The following PFKL variants were observed in gnomAD, a reference collection of about 807,000 sequenced individuals.
The protein encoded by PFKL is phosphofructokinase, liver type.
A neutral mutation model predicts 92.1 loss-of-function variants in PFKL; 74 were observed. That is an observed-to-expected ratio of 0.80 (90% CI 0.67 to 0.97). The LOEUF (loss-of-function observed/expected upper bound fraction) is 0.97, where lower values mean the gene tolerates loss of function less well. Ranked by LOEUF, PFKL falls within the 50% of genes least tolerant of loss-of-function variation. The probability of loss-of-function intolerance (pLI) is 0.00; values close to 1 mark genes in which losing one functional copy is unlikely to be tolerated. For missense variants in PFKL, 1,028 were observed against 1,116.6 expected, an observed-to-expected ratio of 0.92 and a Z score of 1.13; for synonymous variants, 494 against 456.4, an observed-to-expected ratio of 1.08 and a Z score of -1.05.
At chr21:44,305,944 C>T (rs765672125) in intron 1 of PFKL, 4 of 1,350,372 alleles carry the variant, frequency 3.0e-6, no homozygotes, top group Non-Finnish European at 3.0e-6. Flanking sequence ...GGGTGAGGGT[C>T]CCTGAGGCCC....
intron 19 of PFKL, 71 bp downstream of exon 19, chr21:44,325,335 G>A (rs1434075996): frequency 2.7e-6 from 3 of 1,124,272 alleles, no homozygotes; most frequent in South Asian, 1.3e-5. Flanking sequence ...CGGCCCCAGG[G>A]GTCCCAGCCC....
intron 1 of PFKL, among the ~76,000 whole-genome samples, chr21:44,306,379 C>G (rs1233493639): frequency 2.0e-5 from 3 of 152,154 alleles, no homozygotes; most frequent in Non-Finnish European, 4.4e-5. Context: ...TGGGTTCACC[C>G]GAGCCTCCAC....
At chr21:44,302,959 G>A (rs529556522) in intron 1 of PFKL, among the ~76,000 whole-genome samples, 5 of 152,308 alleles carry the variant, frequency 3.3e-5, no homozygotes, top group Non-Finnish European at 7.4e-5. Flanking sequence ...CAGGCCGGGC[G>A]CGGTGGCTCA....
At position 44,300,209 on chromosome 21, in the gene PFKL, C is replaced by T. The variant is rs2040727267; in HGVS notation, c.85+19C>T. The T allele has an allele frequency of 5.6e-6, 6 of 1,064,282 alleles. No homozygotes were observed. Among genetic ancestry groups the T allele is most frequent in the Middle Eastern group, 8.6e-4 (2 of 2,334 alleles). The allele number at this position is 1,064,282 out of a possible 1,614,324, so 65.9% of individuals were successfully genotyped here. On this transcript the variant is annotated intron_variant, in intron 1 of 21. Transcript: ENST00000349048. ...GCGCAAGGTGGGCGGGGGTCCCGGC[C>T]GCGTCGCGGCGCAGGGGGTGGAGGG... is the stretch of plus-strand genomic sequence containing the variant.
chr21:44,306,376 A>G (rs1345028128), intron 1 of PFKL, among the ~76,000 whole-genome samples: 1 of 152,128 alleles, frequency 6.6e-6, no homozygotes, highest in Non-Finnish European at 1.5e-5. Flanking sequence ...TGCTGGGTTC[A>G]CCCGAGCCTC....
chr21:44,309,668 T>A (rs575173640), intron 2 of PFKL, among the ~76,000 whole-genome samples: 3 of 152,056 alleles, frequency 2.0e-5, no homozygotes, highest in Non-Finnish European at 4.4e-5. Context: ...GACAGACCTG[T>A]GTTTGGTGGC....
At chr21:44,313,538 T>C in intron 5 of PFKL, 100 bp from the exon 6 acceptor site, 1 of 1,140,956 alleles carries the variant, frequency 8.8e-7, no homozygotes. Flanking sequence ...GTCCCCTGCC[T>C]GCCTCTCCAT....
chr21:44,326,676 CCT>C (rs1168247595), intron 21 of PFKL, 37 bp from the exon 22 acceptor site: 20 of 1,601,596 alleles, frequency 1.2e-5, no homozygotes, highest in African/African-American at 6.7e-5. Flanking sequence ...TGCCCTGACC[CCT>C]GACTCCCCAT....
At chr21:44,304,640 C>T (rs2040876748) in intron 1 of PFKL, among the ~76,000 whole-genome samples, 1 of 150,472 alleles carries the variant, frequency 6.6e-6, no homozygotes, top group Non-Finnish European at 1.5e-5. Context: ...CAGGACTTGG[C>T]TCTGCTGACT....
At position 44,316,447 on chromosome 21, in the gene PFKL, C is replaced by T. The variant is rs1261802979; in HGVS notation, c.859C>T (p.Leu287=). Residue 287 remains leucine (L), a synonymous_variant, in exon 9 of 22, where the codon CTG becomes TTG. Coordinates refer to ENST00000349048, the MANE Select transcript of PFKL (RefSeq NM_002626.6). The stretch of plus-strand genomic sequence containing the variant: ...TGTCCTGCAGCTGGTGGTTCAGAGG[C>T]TGGGCTTCGACACCCGTGTAACTGT... ...SYVKDLVVQR[L]GFDTRVTVLG... is the part of the protein sequence containing the mutation. 6.2e-7 allele frequency: 1 copy of T among 1,611,868 alleles called. No homozygotes were observed. The highest frequency in any genetic ancestry group is 1.1e-5 in the South Asian group (1 of 91,028).
chr21:44,311,191 CACACACATGCAG>C, intron 3 of PFKL, 108 bp downstream of exon 3: 6 of 772,000 alleles, frequency 7.8e-6, no homozygotes, highest in Admixed American at 2.3e-5. Context: ...CGTGCACAAA[CACACACATGCAG>C]ACACACAGAC....
At chr21:44,324,016 C>A in intron 16 of PFKL, 98 bp downstream of exon 16, 1 of 1,400,718 alleles carries the variant, frequency 7.1e-7, no homozygotes, top group Non-Finnish European at 9.9e-7. Context: ...GTGGTGAGCA[C>A]CTGGGAGGGC....
At chr21:44,312,796 C>A (rs1488190338) in intron 4 of PFKL, among the ~76,000 whole-genome samples, 182 bp from the exon 5 acceptor site, 1 of 152,196 alleles carries the variant, frequency 6.6e-6, no homozygotes, top group African/African-American at 2.4e-5. Flanking sequence ...GCACTTGGCC[C>A]CAGCGGATCC....
chr21:44,302,439 G>A (rs751851692), intron 1 of PFKL, among the ~76,000 whole-genome samples: 13 of 152,156 alleles, frequency 8.5e-5, no homozygotes, highest in South Asian at 6.2e-4. Flanking sequence ...TCATGAGTTC[G>A]GAAAAGCAGT....
At chr21:44,324,807 AT>A (rs777145620) in intron 17 of PFKL, 48 bp from the exon 18 acceptor site, 2 of 1,593,992 alleles carry the variant, frequency 1.3e-6, no homozygotes, top group African/African-American at 2.7e-5. Context: ...TCAGCCTGGA[AT>A]TCCCTCCCCA....
At chr21:44,312,017 C>T in intron 3 of PFKL, 88 bp from the exon 4 acceptor site, 1 of 1,116,240 alleles carries the variant, frequency 9.0e-7, no homozygotes. Flanking sequence ...CAGCCCCTTG[C>T]TGCCCAGTCC....
At chr21:44,322,788 C>T (rs918301069) in intron 14 of PFKL, among the ~76,000 whole-genome samples, 174 bp from the exon 15 acceptor site, 3 of 152,158 alleles carry the variant, frequency 2.0e-5, no homozygotes, top group East Asian at 3.8e-4. Flanking sequence ...AGGCGGCTCA[C>T]GCTGGGCCTG....
chr21:44,300,235 C>T, intron 1 of PFKL, 45 bp downstream of exon 1: 1 of 926,874 alleles, frequency 1.1e-6, no homozygotes. Context: ...GGGTGGAGGG[C>T]GCCTCCGCCC....
intron 20 of PFKL, 31 bp downstream of exon 20, chr21:44,326,091 T>C: frequency 6.2e-7 from 1 of 1,609,040 alleles, no homozygotes; most frequent in Non-Finnish European, 8.5e-7. Flanking sequence ...GAGGCCTCAC[T>C]TTGCCCTCCC....
Sources: gnomAD v4.1 joint callset for allele counts (sites outside exome capture counted in the v4.1 genomes callset) on GRCh38, gnomAD v4.1.1 for gene constraint, MANE v1.5 for transcripts, NCBI Gene and HGNC (gene_info 2026-07-23, HGNC 2026-07-21) for gene names.